ABCB1: variants seen among roughly 807,000 people sequenced by gnomAD.
ABCB1 encodes ATP-dependent translocase ABCB1.
In ABCB1, 69 loss-of-function variants were observed where a neutral mutation model predicts 142.0. That is an observed-to-expected ratio of 0.49 (90% confidence interval 0.40 to 0.59). The LOEUF is 0.59. Among genes scored for constraint, ABCB1 ranks in the 20% least tolerant of loss-of-function variants. ABCB1 has a pLI of 0.00. For synonymous variants in ABCB1, 532 were observed against 539.2 expected, an observed-to-expected ratio of 0.99 and a Z score of 0.18; for missense variants, 1,326 against 1,554.7, an observed-to-expected ratio of 0.85 and a Z score of 2.47.
chr7:87,589,821 A>T (rs546923476), intron 3 of ABCB1, among the ~76,000 whole-genome samples: 7 of 147,210 alleles, frequency 4.8e-5, no homozygotes, highest in Non-Finnish European at 1.0e-4. Context: ...AGAGAGAGAG[A>T]GAGAGAGAGA....
At chr7:87,640,236 AT>A (rs1174641089) in intron 1 of ABCB1, among the ~76,000 whole-genome samples, 12 of 150,474 alleles carry the variant, frequency 8.0e-5, no homozygotes, top group Non-Finnish European at 1.5e-4. Flanking sequence ...TTATTACCAT[AT>A]TTTTTTACAG....
intron 19 of ABCB1, among the ~76,000 whole-genome samples, chr7:87,537,995 A>C (rs1367668958): frequency 1.3e-5 from 2 of 152,232 alleles, no homozygotes; most frequent in Non-Finnish European, 2.9e-5. Context: ...CAATATTCTT[A>C]AGTGGTTAAA....
At chr7:87,522,046 C>T in intron 21 of ABCB1, 1 of 1,007,052 alleles carries the variant, frequency 9.9e-7, no homozygotes, top group South Asian at 1.3e-5. Flanking sequence ...GCCAAAGAGG[C>T]AAAGCAGCTC....
At chr7:87,628,231 C>T (rs950593535) in intron 1 of ABCB1, among the ~76,000 whole-genome samples, 33 of 152,350 alleles carry the variant, frequency 2.2e-4, no homozygotes, top group African/African-American at 7.0e-4. Context: ...GCGAGCCCAG[C>T]GTCCTTGACA....
intron 1 of ABCB1, among the ~76,000 whole-genome samples, chr7:87,624,645 A>G (rs994368035): frequency 1.3e-5 from 2 of 152,192 alleles, no homozygotes; most frequent in African/African-American, 4.8e-5. Context: ...AAATAAAAAT[A>G]ATTGAAATAG....
chr7:87,565,517 T>C (rs1386393911), intron 7 of ABCB1: 5 of 441,296 alleles, frequency 1.1e-5, no homozygotes, highest in Non-Finnish European at 1.8e-5. Flanking sequence ...CCTTAGGGAC[T>C]AGAAAGTATC....
Position 87,546,002 on chromosome 7 carries a change from A to G in ABCB1, c.1748T>C (p.Ile583Thr), listed in dbSNP as rs1458392780. 6.2e-7 allele frequency: 1 copy of G among 1,614,130 alleles called. No homozygotes were observed. The highest frequency in any genetic ancestry group is 8.5e-7 in the Non-Finnish European group (1 of 1,179,992). ...LDKARKGRTT[I>T]VIAHRLSTVR... ...TGTAGACAAACGATGAGCTATCACAATGGTGGTCCGACCTTTTCTGGCCTA... is the reference window on the plus strand; with the variant it reads ...TGTAGACAAACGATGAGCTATCACAGTGGTGGTCCGACCTTTTCTGGCCTA... The change falls in exon 15 of 28, where the codon ATT becomes ACT. Residue 583 changes from isoleucine (I) to threonine (T), a missense_variant. Transcript: ENST00000622132.
chr7:87,524,736 A>G (rs1272933368), intron 21 of ABCB1, among the ~76,000 whole-genome samples: 1 of 152,100 alleles, frequency 6.6e-6, no homozygotes, highest in Non-Finnish European at 1.5e-5. Flanking sequence ...AAAGTATAAT[A>G]AAAATAAAAA....
intron 1 of ABCB1, among the ~76,000 whole-genome samples, chr7:87,687,071 C>T (rs537112427): frequency 2.2e-4 from 34 of 152,120 alleles, no homozygotes; most frequent in Non-Finnish European, 2.4e-4. Context: ...TGTTAAATTG[C>T]GTATAATTTA....
At chr7:87,534,812 G>C (rs1816207780) in intron 20 of ABCB1, among the ~76,000 whole-genome samples, 1 of 151,212 alleles carries the variant, frequency 6.6e-6, no homozygotes, top group Admixed American at 6.6e-5. Flanking sequence ...CTACCAGGAA[G>C]GCTGAGAAGG....
At chr7:87,535,857 A>G (rs1283024680) in intron 20 of ABCB1, among the ~76,000 whole-genome samples, 1 of 152,224 alleles carries the variant, frequency 6.6e-6, no homozygotes, top group East Asian at 1.9e-4. Context: ...GACTTTTGCC[A>G]TAAACAGTTG....
chr7:87,622,180 G>A (rs1411142925), intron 1 of ABCB1, among the ~76,000 whole-genome samples: 1 of 151,864 alleles, frequency 6.6e-6, no homozygotes, highest in Non-Finnish European at 1.5e-5. Context: ...CATAGGTAAG[G>A]CAAACAACGA....
intron 1 of ABCB1, among the ~76,000 whole-genome samples, chr7:87,643,339 C>A (rs919463344): frequency 6.6e-6 from 1 of 151,906 alleles, no homozygotes; most frequent in Non-Finnish European, 1.5e-5. Flanking sequence ...TTTTTTGGTT[C>A]CAATAAAAGT....
At chr7:87,576,583 GT>G (rs888831333) in intron 4 of ABCB1, among the ~76,000 whole-genome samples, 39 of 151,668 alleles carry the variant, frequency 2.6e-4, no homozygotes, top group African/African-American at 8.7e-4. Context: ...TTCAATGAGG[GT>G]TGGCTTCAGT....
Position 87,503,834 on chromosome 7 carries a change from C to A in ABCB1, c.*409G>T. On this transcript the variant is annotated 3_prime_UTR_variant, in exon 28 of 28. Transcript: ENST00000622132. ...TATTCCAATTGAGAGAAGATATATT[C>A]ACAGGCAGTTTGGACAAGATGACTC... 1 of 241,624 alleles carries A rather than the reference C, an allele frequency of 4.1e-6. No homozygotes were observed. Among genetic ancestry groups the A allele is most frequent in the Non-Finnish European group, 8.2e-6 (1 of 122,418 alleles). 15.0% of individuals were successfully genotyped at this position (241,624 alleles called of 1,614,324 possible).
At chr7:87,592,362 C>T (rs56147135) in intron 3 of ABCB1, among the ~76,000 whole-genome samples, 2,250 of 152,290 alleles carry the variant, frequency 0.015, 56 homozygotes, top group African/African-American at 0.051. Flanking sequence ...GAAACAGATT[C>T]AGACACAGGT....
intron 1 of ABCB1, among the ~76,000 whole-genome samples, chr7:87,702,164 A>C (rs1829131540): frequency 6.7e-6 from 1 of 150,204 alleles, no homozygotes; most frequent in Non-Finnish European, 1.5e-5. Flanking sequence ...AAAAAAAAAA[A>C]AAAAAAAACA....
chr7:87,536,517 T>C lies in ABCB1; in HGVS notation c.2422A>G (p.Lys808Glu). 1.2e-6 allele frequency: 2 copies of C among 1,613,942 alleles called. No individual in the cohort carries two copies. Among genetic ancestry groups the C allele is most frequent in the Non-Finnish European group, 1.7e-6 (2 of 1,179,864 alleles). Reference protein sequence around the residue: ...RQDVSWFDDPKNTTGALTTRL... With the variant: ...RQDVSWFDDPENTTGALTTRL... Reference sequence around the variant, plus strand: ...GTAGTCAATGCTCCAGTGGTGTTTTTAGGGTCATCAAACCAACTCACATCC... The same window carrying C: ...GTAGTCAATGCTCCAGTGGTGTTTTCAGGGTCATCAAACCAACTCACATCC... Residue 808 changes from lysine (K) to glutamate (E), a missense_variant, in exon 20 of 28, where the codon AAA (lysine) becomes GAA (glutamate). By Grantham distance (56) the Lys-to-Glu change is moderately conservative. Transcript: ENST00000622132.
intron 25 of ABCB1, among the ~76,000 whole-genome samples, chr7:87,512,167 T>TTAGATACA (rs1412100787): frequency 6.7e-6 from 1 of 149,190 alleles, no homozygotes; most frequent in African/African-American, 2.5e-5. Flanking sequence ...CACCTTTGTA[T>TTAGATACA]CTAATTTTGC....
Sources: gnomAD v4.1 joint callset for allele counts (sites outside exome capture counted in the v4.1 genomes callset) on GRCh38, gnomAD v4.1.1 for gene constraint, MANE v1.5 for transcripts, NCBI Gene and HGNC (gene_info 2026-07-23, HGNC 2026-07-21) for gene names.